Variants in PPBP observed in about 807,000 individuals in gnomAD.
The protein encoded by PPBP is platelet basic protein.
Under a neutral mutation model 8.3 loss-of-function variants are expected in PPBP, and 8 were observed. The ratio of observed to expected loss-of-function variants is 0.97; its 90% CI spans 0.57 to 1.75. The LOEUF (loss-of-function observed/expected upper bound fraction) is 1.75, where lower values mean the gene tolerates loss of function less well. Ranked by LOEUF, PPBP falls within the 40% of genes most tolerant of loss-of-function variation. The pLI is 0.00. For missense variants in PPBP, 169 were observed against 149.2 expected (o/e 1.13, Z -0.69); for synonymous variants, 64 against 58.9 (o/e 1.09, Z -0.40).
chr4:73,987,273 T>G lies in PPBP; in HGVS notation c.386A>C (p.Ter129SerextTer15), dbSNP rs749413673. 3.1e-6 allele frequency: 5 copies of G among 1,603,296 alleles called. No individual in the cohort carries two copies. The Admixed American group carries it at 5.0e-5, about 16-fold the overall frequency. ...GAAGTTTGGCAGAAACAGAACAAAT[T>G]AATCAGCAGATTCATCACCTGCCAA... ...KKLAGDESAD[*>S] Residue 129 changes from the stop codon to serine, a stop_lost, in exon 3 of 3, where the codon TAA becomes TCA. Transcript: ENST00000296028.
At position 73,987,021 on chromosome 4, in the gene PPBP, C is replaced by G; in HGVS notation, c.*251G>C. ...ATAGAAATTTTTAAAGAAAAAAATG[C>G]AAAGTACAGTCCAATGTTTAGGCAA... On this transcript the variant is annotated 3_prime_UTR_variant, in exon 3 of 3. Coordinates refer to ENST00000296028, the MANE Select transcript of PPBP (RefSeq NM_002704.3). 1 of 438,980 alleles carries G rather than the reference C, an allele frequency of 2.3e-6. No individual in the cohort carries two copies. The highest frequency in any genetic ancestry group is 4.0e-6 in the Non-Finnish European group (1 of 248,686). The allele number at this position is 438,980 out of a possible 1,614,324, so 27.2% of individuals were successfully genotyped here.
Position 73,987,394 on chromosome 4 carries a change from T to A in PPBP, c.285-20A>T. 3.1e-6 allele frequency: 5 copies of A among 1,609,222 alleles called. 1 individual carries two copies. In the South Asian group the frequency reaches 5.5e-5, roughly 18 times the overall value. On this transcript the variant is annotated intron_variant, in intron 2 of 2. Coordinates refer to ENST00000296028, the MANE Select transcript of PPBP (RefSeq NM_002704.3). ...GTGGCTCTGCAAAAGAGAACAGGGTTATCTGTGGGTGTCCTGATCTGAATA... is the reference window on the plus strand; with the variant it reads ...GTGGCTCTGCAAAAGAGAACAGGGTAATCTGTGGGTGTCCTGATCTGAATA...
Position 73,987,180 on chromosome 4 carries a change from G to A in PPBP, c.*92C>T. 1 of 1,082,380 alleles carries A rather than the reference G, an allele frequency of 9.2e-7. No homozygotes were observed. The highest frequency in any genetic ancestry group is 1.3e-5 in the South Asian group (1 of 74,530). 67.0% of individuals were successfully genotyped at this position (1,082,380 alleles called of 1,614,324 possible). A position where few individuals can be genotyped will look rare whatever the true frequency, so the allele number is the denominator to read the frequency against. ...TCCAAATTTTAATACAGTAAGAATA[G>A]GTATCCTGAATAAATGAGAACTCTA... On this transcript the variant is annotated 3_prime_UTR_variant, in exon 3 of 3. Transcript: ENST00000296028.
At position 73,987,523 on chromosome 4, in the gene PPBP, T is replaced by C. The variant is rs1273685183; in HGVS notation, c.278A>G (p.Glu93Gly). ...CACAGAAACAGCAACTTACATCACT[T>C]CGACTTGGTTGCAATGGGTTCCTTT... ...IGKGTHCNQV[E>G]VIATLKDGRK... is the part of the protein sequence containing the mutation. The change falls in exon 2 of 3, where the codon GAA (glutamate) becomes GGA (glycine). Residue 93 changes from glutamate to glycine, a missense_variant. Coordinates refer to ENST00000296028, the MANE Select transcript of PPBP (RefSeq NM_002704.3). 3 of 1,613,678 alleles carry C rather than the reference T, an allele frequency of 1.9e-6. No individual in the cohort carries two copies. The highest frequency in any genetic ancestry group is 2.7e-5 in the African/African-American group (2 of 74,914).
At position 73,987,944 on chromosome 4, in the gene PPBP, C is replaced by A. The variant is rs1719008577; in HGVS notation, c.148+12G>T. On this transcript the variant is annotated intron_variant, in intron 1 of 2. Transcript: ENST00000296028. The stretch of plus-strand genomic sequence containing the variant: ...AGAAGCAGCAACAAGTGCAGAGAAG[C>A]AGGGCCTCTACCTTTGCCTTTCGCC... 1.2e-6 allele frequency: 2 copies of A among 1,613,970 alleles called. No individual in the cohort carries two copies. The highest frequency in any genetic ancestry group is 1.3e-5 in the African/African-American group (1 of 74,922).
Position 73,988,074 on chromosome 4 carries a change from G to A in PPBP, c.30C>T (p.Ser10=). 6.2e-7 allele frequency: 1 copy of A among 1,614,088 alleles called. No individual in the cohort carries two copies. MSLRLDTTP[S]CNSARPLHAL... is the part of the protein sequence containing the mutation. ...CATGAAGTGGTCTCGCACTGTTACAGGAAGGGGTGGTATCAAGTCTGAGGC... is the reference window on the plus strand; with the variant it reads ...CATGAAGTGGTCTCGCACTGTTACAAGAAGGGGTGGTATCAAGTCTGAGGC... Residue 10 remains serine, a synonymous_variant, in exon 1 of 3, where the codon TCC becomes TCT. Transcript: ENST00000296028.
chr4:73,986,866 T>G lies in PPBP; in HGVS notation c.*406A>C, dbSNP rs905592779. Among the ~76,000 whole-genome samples the G allele has an allele frequency of 1.3e-5, 2 of 152,190 alleles. No homozygotes were observed. The highest frequency in any genetic ancestry group is 2.4e-5 in the African/African-American group (1 of 41,460). On this transcript the variant is annotated 3_prime_UTR_variant, in exon 3 of 3. Transcript: ENST00000296028. ...CCTAAATATATTAACAAAAATGTAT[T>G]GAGCAAATATTCTCTGTTGGGCTCC...
chr4:73,987,974 TTC>T lies in PPBP; in HGVS notation c.128_129del (p.Arg43LysfsTer13), dbSNP rs1174948625. Reference protein sequence around the residue: ...LASSTKGQTKRNLAKGKEESL... With the variant: ...LASSTKGQTKXNLAKGKEESL... ...CCTCTACCTTTGCCTTTCGCCAAGT[TTC>T]TCTTAGTTTGTCCTTTGGTGGAGGA... On this transcript the variant is annotated frameshift_variant, in exon 1 of 3. Transcript: ENST00000296028. LOFTEE classifies it high-confidence loss of function. The T allele has an allele frequency of 6.2e-7, 1 of 1,613,948 alleles. No individual in the cohort carries two copies. Among genetic ancestry groups the T allele is most frequent in the East Asian group, 2.2e-5 (1 of 44,888 alleles).
chr4:73,986,810 G>C lies in PPBP; in HGVS notation c.*462C>G, dbSNP rs1489879465. 6.6e-6 allele frequency among the ~76,000 whole-genome samples: 1 copy of C among 151,992 alleles called. No homozygotes were observed. Among genetic ancestry groups the C allele is most frequent in the African/African-American group, 2.4e-5 (1 of 41,394 alleles). ...GGAGTATTTTAAATAAGACATCCTAGGACTAAGACACTGAGAGACTCCATT... is the reference window on the plus strand; with the variant it reads ...GGAGTATTTTAAATAAGACATCCTACGACTAAGACACTGAGAGACTCCATT... On this transcript the variant is annotated 3_prime_UTR_variant, in exon 3 of 3. Coordinates refer to ENST00000296028, the MANE Select transcript of PPBP (RefSeq NM_002704.3).
chr4:73,986,945 T>C lies in PPBP; in HGVS notation c.*327A>G. On this transcript the variant is annotated 3_prime_UTR_variant, in exon 3 of 3. Transcript: ENST00000296028. ...TGAAATCTAATAATACCCATGAGTA[T>C]GTCTAATAACCATAAAGTAGACCAG... 3.6e-6 allele frequency: 1 copy of C among 276,880 alleles called. No homozygotes were observed. The highest frequency in any genetic ancestry group is 6.8e-6 in the Non-Finnish European group (1 of 146,472). 17.2% of individuals were successfully genotyped at this position (276,880 alleles called of 1,614,324 possible). A position where few individuals can be genotyped will look rare whatever the true frequency, so the allele number is the denominator to read the frequency against.
intron 1 of PPBP, 151 bp from the exon 2 acceptor site, chr4:73,987,803 A>G: frequency 2.1e-6 from 3 of 1,443,542 alleles, no homozygotes; most frequent in East Asian, 2.3e-5. Context: ...TGCCCAGCAC[A>G]CAAGAAGTGA....
rs1278514532 is a variant in PPBP at position 73,987,956 on chromosome 4, C to T, written c.148G>A (p.Glu50Lys). Residue 50 changes from glutamate (E) to lysine (K), a missense_variant and splice_region_variant, in exon 1 of 3, where the codon GAG becomes AAG. Physicochemically the swap from Glu to Lys is moderately conservative, Grantham distance 56. Transcript: ENST00000296028. ...QTKRNLAKGK[E>K]ESLDSDLYAE... ...AAGTGCAGAGAAGCAGGGCCTCTAC[C>T]TTTGCCTTTCGCCAAGTTTCTCTTA... 1.2e-6 allele frequency: 2 copies of T among 1,614,124 alleles called. No individual in the cohort carries two copies. Among genetic ancestry groups the T allele is most frequent in the Admixed American group, 1.7e-5 (1 of 60,008 alleles).
Position 73,987,361 on chromosome 4 carries a change from C to T in PPBP, c.298G>A (p.Asp100Asn), listed in dbSNP as rs267600254. 24 of 1,613,654 alleles carry T rather than the reference C, an allele frequency of 1.5e-5. No individual in the cohort carries two copies. The highest frequency in any genetic ancestry group is 2.7e-5 in the African/African-American group (2 of 74,898). Reference protein sequence around the residue: ...NQVEVIATLKDGRKICLDPDA... With the variant: ...NQVEVIATLKNGRKICLDPDA... ...GGGTCCAGGCAGATTTTCCTCCCATCCTTCAGTGTGGCTCTGCAAAAGAGA... is the reference window on the plus strand; with the variant it reads ...GGGTCCAGGCAGATTTTCCTCCCATTCTTCAGTGTGGCTCTGCAAAAGAGA... Residue 100 changes from aspartate to asparagine, a missense_variant, in exon 3 of 3, where the codon GAT becomes AAT. Asp to Asn is a conservative substitution (Grantham distance 23). Transcript: ENST00000296028.
chr4:73,986,968 C>T lies in PPBP; in HGVS notation c.*304G>A. ...TATGTCTAATAACCATAAAGTAGAC[C>T]AGGAAAAATCAACCAAGTTGTGTTA... On this transcript the variant is annotated 3_prime_UTR_variant, in exon 3 of 3. Transcript: ENST00000296028. The T allele has an allele frequency of 6.1e-6, 2 of 326,376 alleles. No individual in the cohort carries two copies. Among genetic ancestry groups the T allele is most frequent in the East Asian group, 8.3e-5 (1 of 12,102 alleles). The allele number at this position is 326,376 out of a possible 1,614,324, so 20.2% of individuals were successfully genotyped here. A position where few individuals can be genotyped will look rare whatever the true frequency, so the allele number is the denominator to read the frequency against.
Position 73,987,641 on chromosome 4 carries a change from CT to C in PPBP, c.159del (p.Asp54ThrfsTer13). The C allele has an allele frequency of 6.2e-7, 1 of 1,611,030 alleles. No individual in the cohort carries two copies. Among genetic ancestry groups the C allele is most frequent in the Non-Finnish European group, 8.5e-7 (1 of 1,177,322 alleles). On this transcript the variant is annotated frameshift_variant, in exon 2 of 3. Coordinates refer to ENST00000296028, the MANE Select transcript of PPBP (RefSeq NM_002704.3). LOFTEE classifies it high-confidence loss of function. ...CGGAGTTCAGCATACAAGTCACTGT[CT>C]AGACTTTCCTCTAGGGTAGAAAATG... ...RNLAKGKEESLDSDLYAELRC... is the reference protein window; with the variant it reads ...RNLAKGKEESXDSDLYAELRC...
At chr4:73,987,749 T>C in intron 1 of PPBP, 97 bp from the exon 2 acceptor site, 2 of 1,489,584 alleles carry the variant, frequency 1.3e-6, no homozygotes, top group South Asian at 1.2e-5. Flanking sequence ...CATAAAGCCA[T>C]TGTGAATATG....
chr4:73,987,214 A>G lies in PPBP; in HGVS notation c.*58T>C. 4 of 1,423,302 alleles carry G rather than the reference A, an allele frequency of 2.8e-6. No homozygotes were observed. In the South Asian group the frequency reaches 4.7e-5, roughly 17 times the overall value. The allele number at this position is 1,423,302 out of a possible 1,614,324, so 88.2% of individuals were successfully genotyped here. A position where few individuals can be genotyped will look rare whatever the true frequency, so the allele number is the denominator to read the frequency against. ...AATAAATGAGAACTCTAGAAAATCA[A>G]GGTTTCAAAATTCTACCCTTCCTGG... On this transcript the variant is annotated 3_prime_UTR_variant, in exon 3 of 3. Coordinates refer to ENST00000296028, the MANE Select transcript of PPBP (RefSeq NM_002704.3).
At chr4:73,987,677 G>C in intron 1 of PPBP, 25 bp from the exon 2 acceptor site, 1 of 1,601,530 alleles carries the variant, frequency 6.2e-7, no homozygotes, top group Non-Finnish European at 8.6e-7. Flanking sequence ...GTGACCTATT[G>C]GTGGTCATGA....
Position 73,987,614 on chromosome 4 carries a change from A to G in PPBP, c.187T>C (p.Cys63Arg). Residue 63 changes from cysteine to arginine, a missense_variant, in exon 2 of 3, where the codon TGC becomes CGC. By Grantham distance (180) the Cys-to-Arg change is radical (BLOSUM62 -3). Transcript: ENST00000296028. Reference protein sequence around the residue: ...LDSDLYAELRCMCIKTTSGIH... With the variant: ...LDSDLYAELRRMCIKTTSGIH... ...CCAGAGGTTGTCTTTATACACATGC[A>G]GCGGAGTTCAGCATACAAGTCACTG... 1 of 1,613,924 alleles carries G rather than the reference A, an allele frequency of 6.2e-7. No homozygotes were observed. Among genetic ancestry groups the G allele is most frequent in the Non-Finnish European group, 8.5e-7 (1 of 1,179,798 alleles).
Sources: allele counts gnomAD v4.1 joint callset (sites outside exome capture counted in the v4.1 genomes callset), GRCh38; gene constraint gnomAD v4.1.1; transcripts MANE v1.5; gene names NCBI Gene and HGNC (gene_info 2026-07-23, HGNC 2026-07-21).